Variants in ZNF484 observed in about 807,000 individuals in gnomAD.
The protein encoded by ZNF484 is KRAB box containing C2H2 type zinc finger bA526D8.4.
In ZNF484, 11 loss-of-function variants were observed where a neutral mutation model predicts 12.9. The observed-to-expected ratio is 0.85, with a 90% CI of 0.54 to 1.41. ZNF484 has a LOEUF of 1.41. Ranked by LOEUF, ZNF484 falls within the 40% of genes most tolerant of loss-of-function variation. ZNF484 has a pLI of 0.00. For synonymous variants in ZNF484, 289 were observed against 334.1 expected, an observed-to-expected ratio of 0.86 and a Z score of 1.47; for missense variants, 807 against 1,007.7, an observed-to-expected ratio of 0.80 and a Z score of 2.70.
At chr9:92,855,954 G>C (rs777655790) in intron 3 of ZNF484, 51 bp from the exon 4 acceptor site, 3 of 1,589,524 alleles carry the variant, frequency 1.9e-6, no homozygotes, top group Non-Finnish European at 2.6e-6. Context: ...ATACAATGAA[G>C]CATTCCATTT....
chr9:92,854,911 A>G (rs1270774581), intron 4 of ZNF484, among the ~76,000 whole-genome samples: 1 of 152,176 alleles, frequency 6.6e-6, no homozygotes, highest in Non-Finnish European at 1.5e-5. Context: ...CTTGAGTAGG[A>G]TATATAATAC....
chr9:92,850,790 T>A (rs1587732008), intron 4 of ZNF484, among the ~76,000 whole-genome samples: 1 of 151,822 alleles, frequency 6.6e-6, no homozygotes, highest in Non-Finnish European at 1.5e-5. Context: ...AGAGATGGGG[T>A]TTCACCATGT....
intron 2 of ZNF484, 57 bp from the exon 3 acceptor site, chr9:92,856,375 CA>C (rs56233957): frequency 0.36 from 406,402 of 1,126,046 alleles, 53,885 homozygotes; most frequent in Admixed American, 0.43. Context: ...TATTTGAATT[CA>C]AAAAAAAAAA....
In ZNF484 at chr9:92,847,971, A is replaced by G; in HGVS notation, c.816T>C (p.Ile272=). The change falls in exon 5 of 5, where the codon ATT becomes ATC. Residue 272 remains isoleucine (I), a synonymous_variant. Transcript: ENST00000375495. ...PKSHAFAHES[I]CAEEKQHECH... ...ATTCATGCTGCTTTTCTTCAGCACAAATACTCTCATGTGCAAAGGCATGTG... is the reference window on the plus strand; with the variant it reads ...ATTCATGCTGCTTTTCTTCAGCACAGATACTCTCATGTGCAAAGGCATGTG... The G allele has an allele frequency of 1.9e-6, 3 of 1,614,230 alleles. No homozygotes were observed. The highest frequency in any genetic ancestry group is 2.5e-6 in the Non-Finnish European group (3 of 1,180,040).
At chr9:92,859,746 G>A (rs1054254881) in intron 2 of ZNF484, among the ~76,000 whole-genome samples, 22 of 152,132 alleles carry the variant, frequency 1.4e-4, no homozygotes, top group Non-Finnish European at 2.1e-4. Context: ...ATTCACAGAA[G>A]AACTCACAGA....
chr9:92,873,488 C>T (rs899165606), intron 2 of ZNF484, among the ~76,000 whole-genome samples: 4 of 152,104 alleles, frequency 2.6e-5, no homozygotes, highest in Admixed American at 2.6e-4. Flanking sequence ...ATGTGAATAG[C>T]CCTGTAACAC....
rs772916837 is a variant in ZNF484, at chr9:92,855,824, AC to A, written c.221del (p.Ser74IlefsTer42). On this transcript the variant is annotated frameshift_variant, in exon 4 of 5. Coordinates refer to ENST00000375495, the MANE Select transcript of ZNF484 (RefSeq NM_031486.4). LOFTEE classifies it low-confidence loss of function (END_TRUNC). ...TTCCCTTCTCACCTGGACGGCTCTG[AC>A]TGGGGATCTCACCATCCAACATACA... is the stretch of plus-strand genomic sequence containing the variant. ...EPCMLDGEIP[S>X]QSRPDGDIGF... 3.8e-5 allele frequency: 62 copies of A among 1,613,996 alleles called. No individual in the cohort carries two copies. The highest frequency in any genetic ancestry group is 4.2e-5 in the Non-Finnish European group (49 of 1,179,996).
intron 2 of ZNF484, among the ~76,000 whole-genome samples, chr9:92,873,124 CAG>C (rs1225561851): frequency 6.6e-6 from 1 of 152,112 alleles, no homozygotes; most frequent in Non-Finnish European, 1.5e-5. Flanking sequence ...GGTGGCCTTA[CAG>C]AGAGAGATTC....
chr9:92,875,045 C>G lies in ZNF484; in HGVS notation c.-16G>C. On this transcript the variant is annotated 5_prime_UTR_variant, in exon 2 of 5. Coordinates refer to ENST00000375495, the MANE Select transcript of ZNF484 (RefSeq NM_031486.4). ...ACTTGGTCATTTTTGGCTCTTCGGA[C>G]AAAGGGGCAGAAATCTGAGAAAACA... 1.2e-6 allele frequency: 2 copies of G among 1,613,904 alleles called. No individual in the cohort carries two copies. Among genetic ancestry groups the G allele is most frequent in the Non-Finnish European group, 1.7e-6 (2 of 1,179,940 alleles).
intron 1 of ZNF484, among the ~76,000 whole-genome samples, chr9:92,876,704 T>C (rs1857835332): frequency 6.6e-6 from 1 of 152,190 alleles, no homozygotes; most frequent in African/African-American, 2.4e-5. Context: ...AAAAATGCAC[T>C]AACCATTAAG....
intron 2 of ZNF484, among the ~76,000 whole-genome samples, chr9:92,863,923 G>C (rs1856923098): frequency 1.3e-5 from 2 of 152,176 alleles, no homozygotes; most frequent in East Asian, 3.8e-4. Flanking sequence ...GAATGTAAAG[G>C]AAAGAATCTG....
chr9:92,867,132 C>A (rs895136284), intron 2 of ZNF484, among the ~76,000 whole-genome samples: 4 of 152,026 alleles, frequency 2.6e-5, no homozygotes, highest in African/African-American at 9.7e-5. Flanking sequence ...GGTGGATCAC[C>A]TGAGGTCGGG....
Position 92,844,232 on chromosome 9 carries a change from C to T in ZNF484, c.*1996G>A, listed in dbSNP as rs1418258061. On this transcript the variant is annotated 3_prime_UTR_variant, in exon 5 of 5. Coordinates refer to ENST00000375495, the MANE Select transcript of ZNF484 (RefSeq NM_031486.4). ...TGTCTGGCAAGTGATATAAAAATCA[C>T]CATATGAGGAGATAGGACATCAGCA... Among the ~76,000 whole-genome samples, 1 of 152,032 alleles carries T rather than the reference C, an allele frequency of 6.6e-6. No individual in the cohort carries two copies. The highest frequency in any genetic ancestry group is 2.1e-4 in the South Asian group (1 of 4,806).
At chr9:92,854,172 G>A (rs144370368) in intron 4 of ZNF484, among the ~76,000 whole-genome samples, 260 of 152,268 alleles carry the variant, frequency 1.7e-3, no homozygotes, top group Non-Finnish European at 3.3e-3. Context: ...AGAATGAGAT[G>A]TTCAAAGTAT....
At chr9:92,862,644 T>A (rs1856843540) in intron 2 of ZNF484, among the ~76,000 whole-genome samples, 1 of 152,156 alleles carries the variant, frequency 6.6e-6, no homozygotes, top group South Asian at 2.1e-4. Context: ...ATGAGGAAAT[T>A]TCAGTAGAGG....
At chr9:92,862,369 AAGAGAT>A (rs1856830871) in intron 2 of ZNF484, among the ~76,000 whole-genome samples, 1 of 152,046 alleles carries the variant, frequency 6.6e-6, no homozygotes, top group Admixed American at 6.6e-5. Flanking sequence ...TAAAGGGCAT[AAGAGAT>A]GTGCAAAGCA....
At chr9:92,862,826 A>G (rs1427137484) in intron 2 of ZNF484, among the ~76,000 whole-genome samples, 1 of 152,178 alleles carries the variant, frequency 6.6e-6, no homozygotes, top group East Asian at 1.9e-4. Flanking sequence ...TGGGAATGTA[A>G]ATTTGTTCAA....
chr9:92,860,463 G>A (rs1856713306), intron 2 of ZNF484, among the ~76,000 whole-genome samples: 1 of 151,942 alleles, frequency 6.6e-6, no homozygotes, highest in Admixed American at 6.6e-5. Flanking sequence ...AATTAGCCGG[G>A]CATGGTGGCG....
intron 2 of ZNF484, among the ~76,000 whole-genome samples, chr9:92,867,155 G>T (rs1207109320): frequency 6.6e-6 from 1 of 152,138 alleles, no homozygotes; most frequent in Non-Finnish European, 1.5e-5. Flanking sequence ...TTCGAGACCA[G>T]CCTGACTGGA....
Sources: gnomAD v4.1 joint callset for allele counts (sites outside exome capture counted in the v4.1 genomes callset) on GRCh38, gnomAD v4.1.1 for gene constraint, MANE v1.5 for transcripts, NCBI Gene and HGNC (gene_info 2026-07-23, HGNC 2026-07-21) for gene names.